The following ARID3A variants were observed in gnomAD, a reference collection of about 807,000 sequenced individuals.
The protein encoded by ARID3A is AT-rich interactive domain-containing protein 3A.
A neutral mutation model predicts 52.7 loss-of-function variants in ARID3A; 11 were observed. The ratio of observed to expected loss-of-function variants is 0.21; its 90% CI spans 0.13 to 0.35. The LOEUF is 0.35. Ranked by LOEUF, ARID3A falls within the 10% of genes least tolerant of loss-of-function variation. ARID3A has a pLI of 1.00. For missense variants in ARID3A, 721 were observed against 838.5 expected (o/e 0.86, Z 1.73); for synonymous variants, 404 against 359.4 (o/e 1.12, Z -1.40).
chr19:930,543 CT>C (rs1239371772), intron 2 of ARID3A, among the ~76,000 whole-genome samples: 8 of 144,254 alleles, frequency 5.5e-5, no homozygotes, highest in South Asian at 2.3e-4. Context: ...GAGTCTTGCT[CT>C]TTTCGCCCAG....
intron 3 of ARID3A, among the ~76,000 whole-genome samples, chr19:935,800 T>G (rs537735305): frequency 1.3e-5 from 2 of 150,942 alleles, no homozygotes; most frequent in Non-Finnish European, 3.0e-5. Flanking sequence ...ATTTGTTTAT[T>G]TATTTTTTGA....
chr19:936,300 C>T lies in ARID3A; in HGVS notation c.693+3558C>T, dbSNP rs369342693. Among the ~76,000 whole-genome samples, 290 of 152,332 alleles carry T rather than the reference C, an allele frequency of 1.9e-3. 1 individual carries two copies. The highest frequency in any genetic ancestry group is 6.4e-3 in the African/African-American group (266 of 41,570). On this transcript the variant is annotated intron_variant, in intron 3 of 8. Coordinates refer to ENST00000263620, the MANE Select transcript of ARID3A (RefSeq NM_005224.3). ...AGGCACAGTGGCTCACACCTGTGAT[C>T]CCGGCACTGTGGGAGGCCGAGATGG...
chr19:930,740 A>G (rs1407122486), intron 2 of ARID3A, among the ~76,000 whole-genome samples: 4 of 150,476 alleles, frequency 2.7e-5, no homozygotes, highest in Non-Finnish European at 5.9e-5. Context: ...CGATCTCCTG[A>G]CCTCATGATC....
Position 974,122 on chromosome 19 carries a change from T to C in ARID3A, c.*2057T>C, listed in dbSNP as rs538396649. The C allele has an allele frequency of 3.1e-5, 7 of 225,058 alleles. No homozygotes were observed. In the East Asian group the frequency reaches 4.5e-4, roughly 14 times the overall value. The allele number at this position is 225,058 out of a possible 1,614,324, so 13.9% of individuals were successfully genotyped here. On this transcript the variant is annotated 3_prime_UTR_variant, in exon 9 of 9. Coordinates refer to ENST00000263620, the MANE Select transcript of ARID3A (RefSeq NM_005224.3). The stretch of plus-strand genomic sequence containing the variant: ...CCCCCCACTCCCAACCACCTCCCCA[T>C]TGCCTTGGAGACCCCTGGGGAGGGG...
At position 947,651 on chromosome 19, in the gene ARID3A, G is replaced by A. The variant is rs763662704; in HGVS notation, c.694-12441G>A. Among the ~76,000 whole-genome samples, 6 of 152,200 alleles carry A rather than the reference G, an allele frequency of 3.9e-5. No individual in the cohort carries two copies. The highest frequency in any genetic ancestry group is 2.6e-4 in the Admixed American group (4 of 15,270). On this transcript the variant is annotated intron_variant, in intron 3 of 8. Transcript: ENST00000263620. The surrounding 1 kb of genome is among the most constrained non-coding windows in gnomAD (Gnocchi z 6.3). ...GGGTCTGGCGTCAGCAAGCTCCCCC[G>A]GAATCTCGTGATCTGGAAATCCACA...
At chr19:935,975 A>G (rs2037431527) in intron 3 of ARID3A, among the ~76,000 whole-genome samples, 3 of 151,330 alleles carry the variant, frequency 2.0e-5, no homozygotes, top group African/African-American at 7.3e-5. Flanking sequence ...TATTTTTAGT[A>G]GAGACAAGGT....
In ARID3A at chr19:959,134, G is replaced by A. The variant is rs1010002651; in HGVS notation, c.694-958G>A. ...ATCACCAACAGACATTTATCAGGACGCATCCTGCACGAAGACAGAGGCAGA... is the reference window on the plus strand; with the variant it reads ...ATCACCAACAGACATTTATCAGGACACATCCTGCACGAAGACAGAGGCAGA... On this transcript the variant is annotated intron_variant, in intron 3 of 8. Transcript: ENST00000263620. The surrounding 1 kb of genome is among the most constrained non-coding windows in gnomAD (Gnocchi z 5.0). Among the ~76,000 whole-genome samples the A allele has an allele frequency of 6.6e-6, 1 of 152,182 alleles. No homozygotes were observed. Among genetic ancestry groups the A allele is most frequent in the African/African-American group, 2.4e-5 (1 of 41,448 alleles).
intron 3 of ARID3A, among the ~76,000 whole-genome samples, chr19:952,982 A>G (rs1013948068): frequency 6.6e-6 from 1 of 152,180 alleles, no homozygotes; most frequent in Non-Finnish European, 1.5e-5. Flanking sequence ...GAGGGGCCGC[A>G]TGTGCTGGCC....
At chr19:930,531 CAG>C (rs1235700207) in intron 2 of ARID3A, among the ~76,000 whole-genome samples, 2 of 140,632 alleles carry the variant, frequency 1.4e-5, no homozygotes, top group Admixed American at 7.2e-5. Flanking sequence ...TTTTTTTAGA[CAG>C]AGTCTTGCTC....
Position 964,023 on chromosome 19 carries a change from G to A in ARID3A, c.767-225G>A, listed in dbSNP as rs2038095843. ...CTGTCCCTAAGCCCAGGTTACTGGT[G>A]GATAAACCGAGGCAGAGCTGCCCCC... On this transcript the variant is annotated intron_variant, in intron 4 of 8. Coordinates refer to ENST00000263620, the MANE Select transcript of ARID3A (RefSeq NM_005224.3). This position sits in a 1 kb window ranked among gnomAD's most constrained non-coding sequence, Gnocchi z 5.7. 6.6e-6 allele frequency among the ~76,000 whole-genome samples: 1 copy of A among 152,212 alleles called. No homozygotes were observed. The highest frequency in any genetic ancestry group is 1.5e-5 in the Non-Finnish European group (1 of 68,026).
rs1043957276 is a variant in ARID3A, at chr19:947,473, G to C, written c.694-12619G>C. On this transcript the variant is annotated intron_variant, in intron 3 of 8. Coordinates refer to ENST00000263620, the MANE Select transcript of ARID3A (RefSeq NM_005224.3). The surrounding 1 kb of genome is among the most constrained non-coding windows in gnomAD (Gnocchi z 6.3). ...CTCAGTTTCCCCAACTGTGAAACGG[G>C]CTGGCGGCCGGTCAGCGTCTCCTCC... 8.5e-5 allele frequency among the ~76,000 whole-genome samples: 13 copies of C among 152,170 alleles called. No individual in the cohort carries two copies. The highest frequency in any genetic ancestry group is 2.7e-4 in the African/African-American group (11 of 41,424).
chr19:963,298 G>A (rs1348354021), intron 4 of ARID3A, among the ~76,000 whole-genome samples: 3 of 152,232 alleles, frequency 2.0e-5, no homozygotes, highest in East Asian at 1.9e-4. Context: ...TTCACTGAGC[G>A]CCTACTGTAT....
rs2038342398 is a variant in ARID3A, at chr19:974,529, C to G, written c.*2464C>G. Reference sequence around the variant, plus strand: ...AGCGCCTGCTGCCTATCTCTGTCTACCTCAGGTCTGACTTTTGATGCCAAA... The same window carrying G: ...AGCGCCTGCTGCCTATCTCTGTCTAGCTCAGGTCTGACTTTTGATGCCAAA... On this transcript the variant is annotated 3_prime_UTR_variant, in exon 9 of 9. Coordinates refer to ENST00000263620, the MANE Select transcript of ARID3A (RefSeq NM_005224.3). 4.3e-6 allele frequency: 1 copy of G among 230,362 alleles called. No homozygotes were observed. The highest frequency in any genetic ancestry group is 8.6e-6 in the Non-Finnish European group (1 of 116,314). 14.3% of individuals were successfully genotyped at this position (230,362 alleles called of 1,614,324 possible).
In ARID3A at chr19:941,017, CGCCACCGCCTGGCCGTCGG is replaced by C; in HGVS notation, c.693+8277_693+8295del. 6.6e-6 allele frequency among the ~76,000 whole-genome samples: 1 copy of C among 152,048 alleles called. No homozygotes were observed. The highest frequency in any genetic ancestry group is 1.5e-5 in the Non-Finnish European group (1 of 67,990). On this transcript the variant is annotated intron_variant, in intron 3 of 8. Coordinates refer to ENST00000263620, the MANE Select transcript of ARID3A (RefSeq NM_005224.3). The surrounding 1 kb of genome is among the most constrained non-coding windows in gnomAD (Gnocchi z 6.9). ...CCGGAAGAGCCTTATCTGGCCCCTG[CGCCACCGCCTGGCCGTCGG>C]GTCACCGCCGCGGGGTCACCGCCGC...
chr19:968,641 G>A (rs1434282292), intron 8 of ARID3A, 138 bp downstream of exon 8: 19 of 705,916 alleles, frequency 2.7e-5, no homozygotes, highest in African/African-American at 5.4e-5. Context: ...GGCTTTGCAG[G>A]ACAAACAGTC....
chr19:971,345 C>T (rs1449927755), intron 8 of ARID3A, among the ~76,000 whole-genome samples: 1 of 152,180 alleles, frequency 6.6e-6, no homozygotes, highest in Non-Finnish European at 1.5e-5. Flanking sequence ...GCCACAGTGG[C>T]TCATGCCTGT....
In ARID3A at chr19:942,181, C is replaced by G. The variant is rs35334454; in HGVS notation, c.693+9439C>G. ...GCCGCTGGGGGTGCACCCCCACCCT[C>G]TCCGACCCCGAGGAGCTGCCGGCAG... On this transcript the variant is annotated intron_variant, in intron 3 of 8. Transcript: ENST00000263620. The surrounding 1 kb of genome is among the most constrained non-coding windows in gnomAD (Gnocchi z 8.1). Among the ~76,000 whole-genome samples, 18,500 of 152,078 alleles carry G rather than the reference C, an allele frequency of 0.12. 1,222 individuals carry two copies. The highest frequency in any genetic ancestry group is 0.27 in the East Asian group (1,366 of 5,132).
intron 3 of ARID3A, among the ~76,000 whole-genome samples, chr19:958,923 T>G (rs1435035910): frequency 6.6e-6 from 1 of 152,060 alleles, no homozygotes; most frequent in African/African-American, 2.4e-5. Flanking sequence ...CTTGTGCACC[T>G]TTTCTGTGTT....
At chr19:939,392 C>T (rs1009758148) in intron 3 of ARID3A, among the ~76,000 whole-genome samples, 7 of 152,192 alleles carry the variant, frequency 4.6e-5, no homozygotes, top group Non-Finnish European at 7.3e-5. Flanking sequence ...GCTGGGATGA[C>T]AGGCCTGAGC....
Sources: gnomAD v4.1 joint callset for allele counts (sites outside exome capture counted in the v4.1 genomes callset) on GRCh38, gnomAD v4.1.1 for gene constraint, Gnocchi (gnomAD v3.1) non-coding constraint, MANE v1.5 for transcripts, NCBI Gene and HGNC (gene_info 2026-07-23, HGNC 2026-07-21) for gene names.